PACRG: variants seen among roughly 807,000 people sequenced by gnomAD.
The protein encoded by PACRG is parkin coregulated.
Under a neutral mutation model 29.7 loss-of-function variants are expected in PACRG, and 29 were observed. The ratio of observed to expected loss-of-function variants is 0.98; its 90% CI spans 0.73 to 1.33. PACRG has a LOEUF of 1.33. PACRG is among the 40% of genes most tolerant of loss of function. PACRG has a pLI of 0.00. For missense variants in PACRG, 279 were observed against 316.2 expected (o/e 0.88, Z 0.89); for synonymous variants, 116 against 118.7 (o/e 0.98, Z 0.15).
intron 4 of PACRG, among the ~76,000 whole-genome samples, chr6:163,122,675 C>T (rs989305167): frequency 1.3e-4 from 20 of 152,144 alleles, no homozygotes; most frequent in Non-Finnish European, 1.9e-4. Flanking sequence ...CCTGCAGAAT[C>T]GGAAGACAAA....
chr6:163,224,014 A>G (rs9458756), intron 4 of PACRG, among the ~76,000 whole-genome samples: 1,725 of 152,250 alleles, frequency 0.011, 27 homozygotes, highest in African/African-American at 0.04. Context: ...TAGGAAAACT[A>G]TCCTAACATG....
rs1189894326 is a variant in PACRG at position 162,747,404 on chromosome 6, A to AC, written c.156+19013_156+19014insC. On this transcript the variant is annotated intron_variant, in intron 1 of 4. Coordinates refer to ENST00000366888, the MANE Select transcript of PACRG (RefSeq NM_001080379.2). ...TGTATATATATGTATATATATATGT[A>AC]TATATATATATAACTATAAATATAT... is the stretch of plus-strand genomic sequence containing the variant. Among the ~76,000 whole-genome samples the AC allele has an allele frequency of 1.6e-3, 31 of 19,538 alleles. 4 individuals are homozygous for AC. Among genetic ancestry groups the AC allele is most frequent in the Admixed American group, 4.0e-3 (7 of 1,744 alleles). 12.8% of individuals were successfully genotyped at this position (19,538 alleles called of 152,430 possible). A position where few individuals can be genotyped will look rare whatever the true frequency, so the allele number is the denominator to read the frequency against.
chr6:163,258,498 C>T (rs1392760492), intron 4 of PACRG, among the ~76,000 whole-genome samples: 1 of 152,146 alleles, frequency 6.6e-6, no homozygotes, highest in African/African-American at 2.4e-5. Context: ...TGGCTCACGC[C>T]TATAATCCCA....
intron 1 of PACRG, among the ~76,000 whole-genome samples, chr6:162,799,211 T>C (rs927528343): frequency 7.2e-5 from 11 of 152,168 alleles, no homozygotes; most frequent in African/African-American, 2.7e-4. Flanking sequence ...AAAAAATGCA[T>C]ATTTACTAAA....
At chr6:162,960,939 A>G (rs967940607) in intron 2 of PACRG, among the ~76,000 whole-genome samples, 2 of 152,236 alleles carry the variant, frequency 1.3e-5, no homozygotes, top group African/African-American at 4.8e-5. Context: ...TTAAGAGCCA[A>G]AGTTAAGACT....
intron 2 of PACRG, among the ~76,000 whole-genome samples, chr6:162,831,905 T>C (rs1788803681): frequency 6.6e-6 from 1 of 152,208 alleles, no homozygotes; most frequent in Non-Finnish European, 1.5e-5. Flanking sequence ...ATCAAGTTTA[T>C]CATTGATGGG....
At chr6:163,257,287 T>A (rs1055755178) in intron 4 of PACRG, among the ~76,000 whole-genome samples, 2 of 151,830 alleles carry the variant, frequency 1.3e-5, no homozygotes, top group East Asian at 1.9e-4. Flanking sequence ...TGATCTGTGT[T>A]AAAGGGGGCA....
At chr6:163,300,567 G>A (rs963805835) in intron 4 of PACRG, among the ~76,000 whole-genome samples, 5 of 152,172 alleles carry the variant, frequency 3.3e-5, no homozygotes, top group Admixed American at 1.3e-4. Context: ...CTGTCTCCTC[G>A]TGGCCAGCAA....
At chr6:163,139,034 G>A (rs1326926881) in intron 4 of PACRG, among the ~76,000 whole-genome samples, 1 of 152,222 alleles carries the variant, frequency 6.6e-6, no homozygotes, top group African/African-American at 2.4e-5. Flanking sequence ...TGTGGCTGCT[G>A]TAACAGATGA....
At chr6:163,309,373 G>A (rs1291972165) in intron 4 of PACRG, among the ~76,000 whole-genome samples, 1 of 152,208 alleles carries the variant, frequency 6.6e-6, no homozygotes, top group African/African-American at 2.4e-5. Flanking sequence ...AATGTCTCAT[G>A]CTCTCTGCGG....
At chr6:162,759,060 G>T (rs951278543) in intron 1 of PACRG, among the ~76,000 whole-genome samples, 2 of 152,176 alleles carry the variant, frequency 1.3e-5, no homozygotes, top group Admixed American at 1.3e-4. Flanking sequence ...AATTGACATG[G>T]AATTGCCTTT....
At chr6:162,986,451 A>C (rs1355283352) in intron 2 of PACRG, among the ~76,000 whole-genome samples, 6 of 152,148 alleles carry the variant, frequency 3.9e-5, no homozygotes, top group Admixed American at 3.9e-4. Flanking sequence ...ACAAAAACAT[A>C]AAGTGGGGAA....
At chr6:162,831,349 T>C (rs1217799023) in intron 2 of PACRG, among the ~76,000 whole-genome samples, 1 of 152,220 alleles carries the variant, frequency 6.6e-6, no homozygotes, top group Non-Finnish European at 1.5e-5. Context: ...GCATTTATGA[T>C]AAGCCAGACA....
intron 2 of PACRG, among the ~76,000 whole-genome samples, chr6:162,966,763 C>T (rs9458694): frequency 3.3e-5 from 5 of 151,804 alleles, no homozygotes; most frequent in African/African-American, 1.2e-4. Flanking sequence ...GGCGTGAGCC[C>T]CCGCACCCGG....
intron 2 of PACRG, among the ~76,000 whole-genome samples, chr6:162,849,961 C>T (rs974521115): frequency 2.6e-5 from 4 of 152,172 alleles, no homozygotes; most frequent in Non-Finnish European, 2.9e-5. Flanking sequence ...ATTTCTATCT[C>T]AACTATCCCC....
At chr6:162,934,027 G>T (rs1196408524) in intron 2 of PACRG, among the ~76,000 whole-genome samples, 1 of 152,198 alleles carries the variant, frequency 6.6e-6, no homozygotes, top group Non-Finnish European at 1.5e-5. Flanking sequence ...AGTTTGGGAG[G>T]CTGAGGTGGG....
chr6:162,855,614 A>C (rs1791323339), intron 2 of PACRG, among the ~76,000 whole-genome samples: 1 of 152,218 alleles, frequency 6.6e-6, no homozygotes, highest in Admixed American at 6.5e-5. Context: ...AGATCAGAGA[A>C]GCAAATAGCC....
chr6:162,727,681 G>A (rs1584140098), upstream of PACRG: 1 of 1,576,266 alleles, frequency 6.3e-7, no homozygotes, highest in African/African-American at 1.4e-5. Flanking sequence ...TCACTGGGTA[G>A]GTGGCGGCTG....
chr6:163,131,406 G>T (rs1411076083), intron 4 of PACRG, among the ~76,000 whole-genome samples: 1 of 152,020 alleles, frequency 6.6e-6, no homozygotes, highest in Non-Finnish European at 1.5e-5. Context: ...AGGGAAGAAT[G>T]CCCCGTGAAG....
Sources: gnomAD v4.1 joint callset for allele counts (sites outside exome capture counted in the v4.1 genomes callset) on GRCh38, gnomAD v4.1.1 for gene constraint, MANE v1.5 for transcripts, NCBI Gene and HGNC (gene_info 2026-07-23, HGNC 2026-07-21) for gene names.